The following RBFOX1 variants were observed in gnomAD, a reference collection of about 807,000 sequenced individuals.
The protein encoded by RBFOX1 is RNA binding protein fox-1 homolog 1.
In RBFOX1, 8 loss-of-function variants were observed where a neutral mutation model predicts 57.7. The ratio of observed to expected loss-of-function variants is 0.14; its 90% CI spans 0.08 to 0.25. The LOEUF is 0.25. Among genes scored for constraint, RBFOX1 ranks in the 10% least tolerant of loss-of-function variants. The pLI is 1.00. For missense variants in RBFOX1, 611 were observed against 548.5 expected (o/e 1.11, Z -1.14); for synonymous variants, 326 against 222.4 (o/e 1.47, Z -4.15).
chr16:7,267,963 C>G (rs762156590), intron 4 of RBFOX1, among the ~76,000 whole-genome samples: 1 of 152,172 alleles, frequency 6.6e-6, no homozygotes, highest in East Asian at 1.9e-4. Context: ...AGAAACAAAT[C>G]GTTAGGCAAT....
Position 7,364,475 on chromosome 16 carries a change from T to G in RBFOX1, c.28-153672T>G, listed in dbSNP as rs1296398080. On this transcript the variant is annotated intron_variant, in intron 4 of 15. Transcript: ENST00000550418. ...CCATTATTAGCAGTATCAGGTTGGG[T>G]TGCTGAGTTTCAAGTACTAGAAATC... is the stretch of plus-strand genomic sequence containing the variant. Among the ~76,000 whole-genome samples the G allele has an allele frequency of 2.0e-5, 3 of 151,906 alleles. No individual in the cohort carries two copies. In the East Asian group the frequency reaches 5.8e-4, roughly 29 times the overall value.
rs535563810 is a variant in RBFOX1, at chr16:7,699,212, G to C, written c.996-9844G>C. 9.9e-5 allele frequency among the ~76,000 whole-genome samples: 15 copies of C among 152,252 alleles called. No homozygotes were observed. The South Asian group carries it at 2.3e-3, about 23-fold the overall frequency. On this transcript the variant is annotated intron_variant, in intron 14 of 15. Transcript: ENST00000550418. ...TCAGGGACCTTTTCTCTTTGAGATA[G>C]GGTCTCTGTCATCCAGGCTGGAGAG...
At chr16:7,213,863 G>T (rs1005047661) in intron 4 of RBFOX1, among the ~76,000 whole-genome samples, 5 of 152,156 alleles carry the variant, frequency 3.3e-5, no homozygotes, top group African/African-American at 1.2e-4. Flanking sequence ...CCCAGCAATA[G>T]GGGGAACGAC....
intron 3 of RBFOX1, among the ~76,000 whole-genome samples, chr16:6,951,747 C>G (rs145404440): frequency 3.3e-4 from 50 of 152,120 alleles, no homozygotes; most frequent in African/African-American, 9.6e-4. Context: ...TTCTCTCTCT[C>G]TTTTGAGATG....
At chr16:6,281,758 C>T (rs1344536127) in intron 1 of RBFOX1, among the ~76,000 whole-genome samples, 2 of 152,106 alleles carry the variant, frequency 1.3e-5, no homozygotes, top group Non-Finnish European at 2.9e-5. Context: ...AATGTTGGTG[C>T]TTTCTAAGCA....
chr16:7,653,655 C>G lies in RBFOX1; in HGVS notation c.758-160C>G, dbSNP rs140971459. ...CTCTCTGGAGTCCCACCCTGGCCAC[C>G]GTGCTGCTCTCTGCTTTTTAACCTC... On this transcript the variant is annotated intron_variant, in intron 11 of 15. Coordinates refer to ENST00000550418, the MANE Select transcript of RBFOX1 (RefSeq NM_018723.4). 3.8e-3 allele frequency among the ~76,000 whole-genome samples: 582 copies of G among 152,320 alleles called. 5 individuals are homozygous for G. Among genetic ancestry groups the G allele is most frequent in the Non-Finnish European group, 6.1e-3 (414 of 68,018 alleles).
chr16:7,092,168 A>G (rs953419651), intron 4 of RBFOX1, among the ~76,000 whole-genome samples: 3 of 152,220 alleles, frequency 2.0e-5, no homozygotes, highest in African/African-American at 7.2e-5. Flanking sequence ...ATTTGAATAT[A>G]GCATTGATTA....
chr16:6,010,358 G>A (rs2094954274), intron 4 of RBFOX1, among the ~76,000 whole-genome samples: 1 of 152,176 alleles, frequency 6.6e-6, no homozygotes, highest in African/African-American at 2.4e-5. Context: ...GGTGGGGTTG[G>A]GTGAAAACTC....
chr16:7,445,266 A>G (rs917693703), intron 4 of RBFOX1, among the ~76,000 whole-genome samples: 4 of 152,268 alleles, frequency 2.6e-5, no homozygotes, highest in Admixed American at 6.5e-5. Flanking sequence ...ATAATAGGAA[A>G]TTAGTGATAC....
intron 3 of RBFOX1, among the ~76,000 whole-genome samples, chr16:5,640,563 A>G (rs190414617): frequency 2.0e-5 from 3 of 152,030 alleles, no homozygotes; most frequent in Admixed American, 2.0e-4. Context: ...TGCCATGCAT[A>G]CATATGCACA....
chr16:5,441,491 A>G (rs2068083147), intron 1 of RBFOX1, among the ~76,000 whole-genome samples: 1 of 151,632 alleles, frequency 6.6e-6, no homozygotes, highest in Admixed American at 6.6e-5. Flanking sequence ...CAGCCTCCCA[A>G]GTAGCTGGGG....
intron 2 of RBFOX1, among the ~76,000 whole-genome samples, chr16:5,504,214 T>C (rs1286684554): frequency 6.6e-6 from 1 of 152,208 alleles, no homozygotes; most frequent in East Asian, 1.9e-4. Flanking sequence ...CTGGAGCATG[T>C]CACCTGATTA....
chr16:6,970,278 A>T (rs79351557), intron 3 of RBFOX1, among the ~76,000 whole-genome samples: 1 of 152,156 alleles, frequency 6.6e-6, no homozygotes, highest in Admixed American at 6.5e-5. Context: ...GGTACTTTCA[A>T]TGACCCAACA....
At chr16:6,298,799 C>T (rs768112032) in intron 1 of RBFOX1, among the ~76,000 whole-genome samples, 19 of 152,160 alleles carry the variant, frequency 1.2e-4, no homozygotes, top group Non-Finnish European at 2.2e-4. Context: ...TTGTTGGATG[C>T]AAGTGCAATC....
At chr16:7,032,415 C>G (rs897554221) in intron 3 of RBFOX1, among the ~76,000 whole-genome samples, 2 of 151,926 alleles carry the variant, frequency 1.3e-5, no homozygotes, top group Admixed American at 1.3e-4. Context: ...GCACTCCAAT[C>G]TGGGCAATAG....
chr16:6,317,018 A>T lies in RBFOX1; in HGVS notation c.-103A>T. 2.6e-6 allele frequency: 4 copies of T among 1,535,620 alleles called. No homozygotes were observed. The highest frequency in any genetic ancestry group is 3.5e-6 in the Non-Finnish European group (4 of 1,146,546). On this transcript the variant is annotated 5_prime_UTR_variant, in exon 2 of 16. Coordinates refer to ENST00000550418, the MANE Select transcript of RBFOX1 (RefSeq NM_018723.4). ...AGGAAACTGGTCAAAGAACTCATGCAAGTGGAACTTACAGCTTCCTTGATC... is the reference window on the plus strand; with the variant it reads ...AGGAAACTGGTCAAAGAACTCATGCTAGTGGAACTTACAGCTTCCTTGATC...
intron 4 of RBFOX1, among the ~76,000 whole-genome samples, chr16:7,329,265 G>C (rs1456050232): frequency 1.3e-5 from 2 of 152,190 alleles, no homozygotes. Flanking sequence ...GGATCTGCCT[G>C]TTTCTTAGCC....
At chr16:7,656,821 G>C (rs2066430716) in intron 12 of RBFOX1, among the ~76,000 whole-genome samples, 2 of 152,144 alleles carry the variant, frequency 1.3e-5, no homozygotes, top group African/African-American at 2.4e-5. Flanking sequence ...GATATTGTGT[G>C]AACACTAGGG....
At chr16:6,062,854 T>G (rs2095706909) in intron 1 of RBFOX1, among the ~76,000 whole-genome samples, 1 of 152,036 alleles carries the variant, frequency 6.6e-6, no homozygotes, top group Non-Finnish European at 1.5e-5. Context: ...GAAATTCAGA[T>G]GAGAGTTGAT....
Sources: gnomAD v4.1 joint callset for allele counts (sites outside exome capture counted in the v4.1 genomes callset) on GRCh38, gnomAD v4.1.1 for gene constraint, MANE v1.5 for transcripts, NCBI Gene and HGNC (gene_info 2026-07-23, HGNC 2026-07-21) for gene names.